The following SANBR variants were observed in gnomAD, a reference collection of about 807,000 sequenced individuals.
SANBR encodes SANT and BTB domain regulator of CSR.
SANBR carries 77 observed loss-of-function variants against 101.8 expected under a neutral mutation model. The observed-to-expected ratio is 0.76, with a 90% CI of 0.63 to 0.91. The LOEUF (loss-of-function observed/expected upper bound fraction) is 0.91. SANBR is among the 40% of genes least tolerant of loss of function. The pLI is 0.00. For missense variants in SANBR, 875 were observed against 853.0 expected, an observed-to-expected ratio of 1.03 and a Z score of -0.32; for synonymous variants, 279 against 274.7, an observed-to-expected ratio of 1.02 and a Z score of -0.15.
chr2:61,081,451 G>C lies in SANBR; in HGVS notation c.671-1G>C. 6.4e-7 allele frequency: 1 copy of C among 1,557,310 alleles called. No individual in the cohort carries two copies. The highest frequency in any genetic ancestry group is 8.7e-7 in the Non-Finnish European group (1 of 1,155,728). The stretch of plus-strand genomic sequence containing the variant: ...GTAATCTAATTTTTTTTTTTTTTTA[G>C]AGCCAGGAAATGTCATTTCAATTCT... On this transcript the variant is annotated splice_acceptor_variant, in intron 6 of 21. Coordinates refer to ENST00000402291, the MANE Select transcript of SANBR (RefSeq NM_001129993.3). LOFTEE classifies it high-confidence loss of function.
At chr2:61,124,289 G>T (rs897315969), downstream of SANBR, 4 of 955,682 alleles carry the variant, frequency 4.2e-6, no homozygotes, top group Non-Finnish European at 5.0e-6. Context: ...AAGTTGTTTG[G>T]AAAGTCTCTT....
intron 12 of SANBR, among the ~76,000 whole-genome samples, chr2:61,103,141 T>C (rs958602304): frequency 2.7e-5 from 4 of 150,710 alleles, no homozygotes; most frequent in East Asian, 1.9e-4. Context: ...TTCTTTCTTT[T>C]TTTTTTTTTT....
chr2:61,078,447 A>T (rs1048585623), intron 6 of SANBR, among the ~76,000 whole-genome samples: 5 of 151,838 alleles, frequency 3.3e-5, no homozygotes, highest in Non-Finnish European at 5.9e-5. Flanking sequence ...TTTGAGACAG[A>T]GTCCTCTCTT....
chr2:61,076,157 C>A (rs1177446288), intron 5 of SANBR, among the ~76,000 whole-genome samples: 1 of 150,634 alleles, frequency 6.6e-6, no homozygotes, highest in Non-Finnish European at 1.5e-5. Flanking sequence ...CCATGGCCAG[C>A]TAATTTTTTG....
At chr2:61,133,405 A>G (rs1186504622) in intron 20 of SANBR, among the ~76,000 whole-genome samples, 2 of 152,144 alleles carry the variant, frequency 1.3e-5, no homozygotes, top group Admixed American at 6.6e-5. Flanking sequence ...GAATGCACTA[A>G]ATGTCATTAA....
exon 22 of SANBR, chr2:61,137,464 G>T (rs1684886080): frequency 6.6e-6 from 1 of 152,172 alleles, no homozygotes; most frequent in South Asian, 2.1e-4. Flanking sequence ...TCCTATCCAG[G>T]TGAGGCAGAG....
At chr2:61,104,831 G>T (rs1452573009) in intron 13 of SANBR, among the ~76,000 whole-genome samples, 2 of 151,462 alleles carry the variant, frequency 1.3e-5, no homozygotes, top group East Asian at 3.9e-4. Flanking sequence ...CACTTTGGGA[G>T]GCCGAGGCAG....
chr2:61,125,274 A>G (rs935866971), downstream of SANBR, among the ~76,000 whole-genome samples: 10 of 152,198 alleles, frequency 6.6e-5, no homozygotes, highest in African/African-American at 2.4e-4. Context: ...TAACATGTGG[A>G]AGGTAGCCTA....
At chr2:61,085,962 C>T (rs1202817575) in intron 8 of SANBR, among the ~76,000 whole-genome samples, 2 of 152,276 alleles carry the variant, frequency 1.3e-5, no homozygotes, top group Non-Finnish European at 2.9e-5. Context: ...CCCATTTTCT[C>T]TTTCTCACAA....
chr2:61,127,640 CCCA>C (rs1684552448), downstream of SANBR, among the ~76,000 whole-genome samples: 1 of 152,110 alleles, frequency 6.6e-6, no homozygotes, highest in Non-Finnish European at 1.5e-5. Flanking sequence ...TTATATTTTT[CCCA>C]CCTTTTCCCC....
intron 13 of SANBR, among the ~76,000 whole-genome samples, chr2:61,104,770 T>G (rs1559122661): frequency 6.6e-6 from 1 of 151,976 alleles, no homozygotes; most frequent in African/African-American, 2.4e-5. Flanking sequence ...GAGGACTCTT[T>G]AAAAGAGGCT....
At chr2:61,076,189 T>C (rs1681762721) in intron 5 of SANBR, among the ~76,000 whole-genome samples, 1 of 148,822 alleles carries the variant, frequency 6.7e-6, no homozygotes, top group South Asian at 2.2e-4. Flanking sequence ...GAGACGGGGT[T>C]TCACCATGTT....
rs117523728 is a variant in SANBR, at chr2:61,089,342, C to G, written c.1088+874C>G. The G allele has an allele frequency of 1.8e-3, 375 of 205,590 alleles. 3 individuals are homozygous for G. The East Asian group carries it at 0.027, about 15-fold the overall frequency. 12.7% of individuals were successfully genotyped at this position (205,590 alleles called of 1,614,324 possible). A position where few individuals can be genotyped will look rare whatever the true frequency, so the allele number is the denominator to read the frequency against. On this transcript the variant is annotated intron_variant, in intron 10 of 21. Coordinates refer to ENST00000402291, the MANE Select transcript of SANBR (RefSeq NM_001129993.3). ...CCTGACCAACATGGTGAGACCCCGT[C>G]TCTACTACAAAAAACTAGTTGAGCA... is the stretch of plus-strand genomic sequence containing the variant.
intron 10 of SANBR, among the ~76,000 whole-genome samples, chr2:61,091,300 G>C (rs1217015729): frequency 6.6e-6 from 1 of 151,928 alleles, no homozygotes; most frequent in Non-Finnish European, 1.5e-5. Context: ...TTTTATATTA[G>C]CCAGGTGTAG....
chr2:61,108,710 A>G lies in SANBR; in HGVS notation c.1644+361A>G, dbSNP rs530537712. Among the ~76,000 whole-genome samples, 8 of 151,704 alleles carry G rather than the reference A, an allele frequency of 5.3e-5. No individual in the cohort carries two copies. In the East Asian group the frequency reaches 5.8e-4, roughly 11 times the overall value. ...GTTTGCCAGTACTATGCTGTCTGCCATCAATATTCACAAGAATGGAACAGG... is the reference window on the plus strand; with the variant it reads ...GTTTGCCAGTACTATGCTGTCTGCCGTCAATATTCACAAGAATGGAACAGG... On this transcript the variant is annotated intron_variant, in intron 15 of 21. Coordinates refer to ENST00000402291, the MANE Select transcript of SANBR (RefSeq NM_001129993.3).
chr2:61,070,524 A>G, intron 3 of SANBR, 24 bp downstream of exon 3: 3 of 1,590,476 alleles, frequency 1.9e-6, no homozygotes, highest in Non-Finnish European at 2.6e-6. Flanking sequence ...CCCCCAGAAT[A>G]TCTCCTGAAA....
At chr2:61,091,610 A>G (rs1209061768) in intron 10 of SANBR, among the ~76,000 whole-genome samples, 4 of 89,648 alleles carry the variant, frequency 4.5e-5, no homozygotes, top group African/African-American at 1.8e-4. Flanking sequence ...AAAAAAAAAA[A>G]TTAGCCAGGT....
intron 17 of SANBR, 105 bp from the exon 18 acceptor site, chr2:61,117,252 C>T (rs1441982252): frequency 1.5e-5 from 15 of 1,025,852 alleles, no homozygotes; most frequent in East Asian, 2.4e-5. Flanking sequence ...GCTCTTGGTA[C>T]AGTGTCTTCA....
At chr2:61,104,258 G>A (rs540971844) in intron 13 of SANBR, among the ~76,000 whole-genome samples, 6 of 152,150 alleles carry the variant, frequency 3.9e-5, no homozygotes, top group Non-Finnish European at 7.4e-5. Context: ...CAAGGCGGGC[G>A]GATCACGAGG....
Sources: allele counts gnomAD v4.1 joint callset (sites outside exome capture counted in the v4.1 genomes callset), GRCh38; gene constraint gnomAD v4.1.1; transcripts MANE v1.5; gene names NCBI Gene and HGNC (gene_info 2026-07-23, HGNC 2026-07-21).